Variants in PRDM8 observed in about 807,000 individuals in gnomAD.
PRDM8 encodes PR/SET domain 8.
Under a neutral mutation model 46.5 loss-of-function variants are expected in PRDM8, and 13 were observed. The observed-to-expected ratio is 0.28, with a 90% CI of 0.18 to 0.44. The LOEUF (loss-of-function observed/expected upper bound fraction) is 0.44, where lower values mean the gene tolerates loss of function less well. PRDM8 is among the 20% of genes least tolerant of loss of function. The pLI is 1.00. For missense variants in PRDM8, 998 were observed against 955.0 expected (o/e 1.04, Z -0.59); for synonymous variants, 473 against 438.4 (o/e 1.08, Z -0.98).
chr4:80,197,469 C>T (rs150873393), upstream of PRDM8: 303 of 985,838 alleles, frequency 3.1e-4, no homozygotes, highest in Non-Finnish European at 3.5e-4. Flanking sequence ...AGATTATGTG[C>T]AGCAAACAAA....
chr4:80,196,034 T>A (rs1411597164), upstream of PRDM8: 1 of 984,110 alleles, frequency 1.0e-6, no homozygotes. Context: ...CCTGGCCTCC[T>A]GGGACTGCAG....
At chr4:80,198,979 G>GTTTTTTTTTTTTT (rs1738184321) in intron 1 of PRDM8, among the ~76,000 whole-genome samples, 4 of 113,508 alleles carry the variant, frequency 3.5e-5, no homozygotes, top group Admixed American at 1.0e-4. Context: ...GGTTTTTTTG[G>GTTTTTTTTTTTTT]GTTTTTTTTT....
intron 1 of PRDM8, among the ~76,000 whole-genome samples, chr4:80,186,869 C>T (rs1737135697): frequency 1.3e-5 from 2 of 152,148 alleles, no homozygotes; most frequent in Admixed American, 1.3e-4. Context: ...CTCATTTGTC[C>T]AGCAGCCTAA....
chr4:80,189,996 C>T (rs569828907), intron 1 of PRDM8: 4 of 152,376 alleles, frequency 2.6e-5, no homozygotes, highest in African/African-American at 9.6e-5. Context: ...CGTTCGCCCT[C>T]GTTCCCTTAG....
chr4:80,189,444 G>A (rs996842920), intron 1 of PRDM8, among the ~76,000 whole-genome samples: 4 of 152,118 alleles, frequency 2.6e-5, no homozygotes, highest in African/African-American at 9.7e-5. Flanking sequence ...GAGGTGCGCG[G>A]TGCGGGCTGG....
chr4:80,187,244 T>TGCGGAG (rs60061648), intron 1 of PRDM8, among the ~76,000 whole-genome samples: 1 of 89,924 alleles, frequency 1.1e-5, no homozygotes, highest in African/African-American at 4.4e-5. Flanking sequence ...TTCTCTGCCC[T>TGCGGAG]GGGGCGGGGG....
intron 1 of PRDM8, among the ~76,000 whole-genome samples, chr4:80,186,453 G>GAGAGAGAGAGAGAGAGAGAGAC (rs1344807569): frequency 7.9e-5 from 12 of 151,806 alleles, no homozygotes; most frequent in African/African-American, 2.9e-4. Context: ...GAGAGAGAGA[G>GAGAGAGAGAGAGAGAGAGAGAC]AGATTGATTG....
Position 80,201,539 on chromosome 4 carries a change from C to A in PRDM8, c.451+18C>A. On this transcript the variant is annotated intron_variant, in intron 3 of 3. Coordinates refer to ENST00000415738, the MANE Select transcript of PRDM8 (RefSeq NM_001099403.2). ...AATGAATGGTAGGTTGGCTCGCGAC[C>A]GGCGTGTGGGCCCTTAACTAGCGGG... 6.2e-7 allele frequency: 1 copy of A among 1,607,686 alleles called. No individual in the cohort carries two copies. The highest frequency in any genetic ancestry group is 1.1e-5 in the South Asian group (1 of 90,884).
upstream of PRDM8, among the ~76,000 whole-genome samples, chr4:80,193,653 C>G (rs563900989): frequency 4.4e-4 from 67 of 152,288 alleles, no homozygotes; most frequent in South Asian, 0.014. Context: ...TACAATACTC[C>G]TCCTTGAAGA....
chr4:80,197,400 G>A (rs757998314), upstream of PRDM8: 5 of 979,340 alleles, frequency 5.1e-6, no homozygotes, highest in African/African-American at 1.8e-5. Context: ...GCCGGAGGGA[G>A]CGCCTGGCCC....
intron 1 of PRDM8, among the ~76,000 whole-genome samples, chr4:80,189,425 TG>T (rs976008964): frequency 5.1e-5 from 5 of 97,978 alleles, no homozygotes; most frequent in African/African-American, 1.9e-4. Context: ...AAACCTGGGG[TG>T]GGGGTGGGAG....
upstream of PRDM8, chr4:80,196,937 A>C: frequency 9.1e-6 from 9 of 985,420 alleles, no homozygotes; most frequent in Non-Finnish European, 1.1e-5. Flanking sequence ...GTTCTCACCA[A>C]AGCGCATCCT....
upstream of PRDM8, chr4:80,196,477 T>C (rs1041202529): frequency 6.1e-6 from 6 of 985,306 alleles, no homozygotes; most frequent in African/African-American, 1.0e-4. Flanking sequence ...GCTGCTGCAC[T>C]AAAGGGGCAA....
At chr4:80,195,276 C>T (rs1190690162), upstream of PRDM8, among the ~76,000 whole-genome samples, 1 of 152,182 alleles carries the variant, frequency 6.6e-6, no homozygotes, top group African/African-American at 2.4e-5. Context: ...GACCACATGA[C>T]TCTCTTATGG....
At chr4:80,193,013 C>G (rs1220584364), upstream of PRDM8, among the ~76,000 whole-genome samples, 4 of 152,182 alleles carry the variant, frequency 2.6e-5, no homozygotes, top group Admixed American at 2.6e-4. Flanking sequence ...AAGTTTTAAA[C>G]TTGAGAAAGG....
In PRDM8 at chr4:80,187,728, C is replaced by A. The variant is rs74935480; in HGVS notation, c.-983+2210C>A. On this transcript the variant is annotated intron_variant, in intron 1 of 9. Coordinates refer to the PRDM8 transcript ENST00000339711. Reference sequence around the variant, plus strand: ...TTCTCTATATGCAGGGGGATGCAACCTCCTGCTCCTCCTGTCCTCGGAGTC... The same window carrying A: ...TTCTCTATATGCAGGGGGATGCAACATCCTGCTCCTCCTGTCCTCGGAGTC... 7.1e-3 allele frequency among the ~76,000 whole-genome samples: 1,087 copies of A among 152,252 alleles called. 14 individuals carry two copies. Among genetic ancestry groups the A allele is most frequent in the East Asian group, 0.044 (226 of 5,178 alleles).
chr4:80,187,249 C>T lies in PRDM8; in HGVS notation c.-983+1731C>T, dbSNP rs60248334. On this transcript the variant is annotated intron_variant, in intron 1 of 9. Coordinates refer to the PRDM8 transcript ENST00000339711. Reference sequence around the variant, plus strand: ...TGTATCAGCATTCTCTGCCCTGGGGCGGGGGGAAGCAGAAGAATATCATCT... The same window carrying T: ...TGTATCAGCATTCTCTGCCCTGGGGTGGGGGGAAGCAGAAGAATATCATCT... Among the ~76,000 whole-genome samples the T allele has an allele frequency of 9.4e-3, 1,141 of 121,742 alleles. 124 individuals carry two copies. Among genetic ancestry groups the T allele is most frequent in the African/African-American group, 0.032 (1,078 of 34,010 alleles). The allele number at this position is 121,742 out of a possible 152,430, so 79.9% of individuals were successfully genotyped here. A position where few individuals can be genotyped will look rare whatever the true frequency, so the allele number is the denominator to read the frequency against.
At chr4:80,187,606 A>G (rs929041377) in intron 1 of PRDM8, among the ~76,000 whole-genome samples, 2 of 152,150 alleles carry the variant, frequency 1.3e-5, no homozygotes, top group African/African-American at 2.4e-5. Flanking sequence ...ACCCCAAGAT[A>G]GTCCATATCA....
At position 80,202,223 on chromosome 4, in the gene PRDM8, G is replaced by C. The variant is rs1738540197; in HGVS notation, c.761G>C (p.Ser254Thr). The change falls in exon 4 of 4, where the codon AGC becomes ACC. Residue 254 changes from serine to threonine, a missense_variant. Ser to Thr is a moderately conservative substitution (Grantham distance 58). Coordinates refer to ENST00000415738, the MANE Select transcript of PRDM8 (RefSeq NM_001099403.2). ...CCATCCGCTGCCGCCGGCGGCAGCA[G>C]CGCGAAGCCATCCACAGACTTCCAC... ...SNPSAAAGGSSAKPSTDFHNL... is the reference protein window; with the variant it reads ...SNPSAAAGGSTAKPSTDFHNL... 2 of 1,611,978 alleles carry C rather than the reference G, an allele frequency of 1.2e-6. No individual in the cohort carries two copies. The highest frequency in any genetic ancestry group is 1.7e-6 in the Non-Finnish European group (2 of 1,179,718).
Sources: allele counts gnomAD v4.1 joint callset (sites outside exome capture counted in the v4.1 genomes callset), GRCh38; gene constraint gnomAD v4.1.1; transcripts MANE v1.5; gene names NCBI Gene and HGNC (gene_info 2026-07-23, HGNC 2026-07-21).